Variants in DAP observed in about 807,000 individuals in gnomAD.
DAP encodes death-associated protein 1.
DAP carries 8 observed loss-of-function variants against 13.8 expected under a neutral mutation model. The observed-to-expected ratio is 0.58, with a 90% CI of 0.34 to 1.05. The LOEUF is 1.05. DAP is among the 50% of genes least tolerant of loss of function. The pLI, the probability that DAP is intolerant of heterozygous loss-of-function variation, is 0.03. For synonymous variants in DAP, 47 were observed against 47.5 expected, an observed-to-expected ratio of 0.99 and a Z score of 0.04; for missense variants, 106 against 133.2, an observed-to-expected ratio of 0.80 and a Z score of 1.01.
chr5:10,761,057 A>C lies in DAP; in HGVS notation c.12T>G (p.Pro4=). Residue 4 remains proline (P), a synonymous_variant, in exon 1 of 4, where the codon CCT becomes CCG. Coordinates refer to ENST00000230895, the MANE Select transcript of DAP (RefSeq NM_004394.3). ...CTTTAGTCTCTAGTTTCCCTTCGGG[A>C]GGCGAAGACATGACGCGGCGGGGCT... MSS[P]PEGKLETKAG... The C allele has an allele frequency of 8.2e-7, 1 of 1,222,018 alleles. No individual in the cohort carries two copies. The highest frequency in any genetic ancestry group is 3.6e-5 in the South Asian group (1 of 27,462). The allele number at this position is 1,222,018 out of a possible 1,614,324, so 75.7% of individuals were successfully genotyped here.
At chr5:10,711,200 AG>A (rs1200104684) in intron 2 of DAP, among the ~76,000 whole-genome samples, 2 of 152,226 alleles carry the variant, frequency 1.3e-5, no homozygotes, top group Non-Finnish European at 2.9e-5. Context: ...AGGGGAAGGT[AG>A]GTGTGAGCAG....
chr5:10,726,749 G>A (rs1236135004), intron 2 of DAP, among the ~76,000 whole-genome samples: 1 of 150,924 alleles, frequency 6.6e-6, no homozygotes, highest in African/African-American at 2.5e-5. Context: ...GTGTGTGCAT[G>A]TGTGTGGAAA....
At chr5:10,698,282 CAAAAAAAA>C (rs71613386) in intron 2 of DAP, among the ~76,000 whole-genome samples, 4 of 42,904 alleles carry the variant, frequency 9.3e-5, no homozygotes, top group East Asian at 9.1e-4. Context: ...CCAGACTTAG[CAAAAAAAA>C]AAAAAAAAAA....
chr5:10,758,573 T>C (rs1740256967), intron 1 of DAP, among the ~76,000 whole-genome samples: 1 of 152,176 alleles, frequency 6.6e-6, no homozygotes. Flanking sequence ...TAGAGGAGTT[T>C]ACCTGGGGGA....
intron 2 of DAP, among the ~76,000 whole-genome samples, chr5:10,708,596 G>A (rs1412490883): frequency 6.6e-6 from 1 of 152,046 alleles, no homozygotes; most frequent in South Asian, 2.1e-4. Flanking sequence ...ACCCACCAAC[G>A]GGCTATAGCG....
At chr5:10,686,816 T>G (rs1166791360) in intron 2 of DAP, among the ~76,000 whole-genome samples, 1 of 152,212 alleles carries the variant, frequency 6.6e-6, no homozygotes, top group Non-Finnish European at 1.5e-5. Flanking sequence ...TTGATGAAAG[T>G]GGCCACACTA....
chr5:10,736,542 G>A (rs1739618379), intron 2 of DAP, among the ~76,000 whole-genome samples: 2 of 152,186 alleles, frequency 1.3e-5, no homozygotes, highest in Admixed American at 1.3e-4. Context: ...GCCGTCAGGG[G>A]GTTTGAGGGC....
intron 2 of DAP, among the ~76,000 whole-genome samples, chr5:10,736,022 A>G (rs1269329103): frequency 6.6e-6 from 1 of 152,222 alleles, no homozygotes; most frequent in Non-Finnish European, 1.5e-5. Context: ...ATGCAATAGG[A>G]CAGGTGTCTT....
intron 2 of DAP, among the ~76,000 whole-genome samples, chr5:10,689,647 G>A (rs1189479740): frequency 6.6e-6 from 1 of 152,224 alleles, no homozygotes; most frequent in Non-Finnish European, 1.5e-5. Context: ...GAGGGGTGAG[G>A]TGAGGCCCAC....
intron 1 of DAP, among the ~76,000 whole-genome samples, chr5:10,750,412 G>A (rs977129680): frequency 3.3e-5 from 5 of 152,156 alleles, no homozygotes; most frequent in African/African-American, 2.4e-5. Flanking sequence ...AAGGGCAAAA[G>A]AGAGCAAGGA....
At chr5:10,747,146 C>G (rs1223324978) in intron 2 of DAP, among the ~76,000 whole-genome samples, 3 of 152,236 alleles carry the variant, frequency 2.0e-5, no homozygotes, top group Non-Finnish European at 4.4e-5. Context: ...CCTCTTTCCC[C>G]TTCCACACCC....
chr5:10,692,920 C>T (rs1263826757), intron 2 of DAP, among the ~76,000 whole-genome samples: 1 of 152,202 alleles, frequency 6.6e-6, no homozygotes, highest in Non-Finnish European at 1.5e-5. Context: ...GGTCCTTACC[C>T]TTCTTCCCTT....
At chr5:10,752,713 T>C (rs1458158529) in intron 1 of DAP, among the ~76,000 whole-genome samples, 1 of 152,158 alleles carries the variant, frequency 6.6e-6, no homozygotes, top group African/African-American at 2.4e-5. Context: ...CTTGTGTGTG[T>C]GGCTGTGTGT....
chr5:10,685,803 G>A (rs1245310303), intron 2 of DAP, among the ~76,000 whole-genome samples: 1 of 152,140 alleles, frequency 6.6e-6, no homozygotes, highest in African/African-American at 2.4e-5. Flanking sequence ...TCCATAGAGA[G>A]TCAATCTAGT....
chr5:10,698,692 C>T (rs1295073778), intron 2 of DAP, among the ~76,000 whole-genome samples: 2 of 152,112 alleles, frequency 1.3e-5, no homozygotes, highest in Non-Finnish European at 2.9e-5. Context: ...TTTATTCACA[C>T]ACATACTATA....
Position 10,748,201 on chromosome 5 carries a change from C to T in DAP, c.126G>A (p.Lys42=), listed in dbSNP as rs1189807314. Residue 42 remains lysine, a synonymous_variant, in exon 2 of 4, where the codon AAG becomes AAA. Transcript: ENST00000230895. ...TGGGGCTTTCCCATTCCTGGTCATC[C>T]TTGTCTTTCTCTTCTTTGGTGTCTC... ...HTGDTKEEKD[K]DDQEWESPSP... is the part of the protein sequence containing the mutation. 6.2e-7 allele frequency: 1 copy of T among 1,613,978 alleles called. No individual in the cohort carries two copies. The highest frequency in any genetic ancestry group is 1.3e-5 in the African/African-American group (1 of 75,036).
intron 2 of DAP, among the ~76,000 whole-genome samples, chr5:10,692,720 A>G (rs139605422): frequency 1.1e-4 from 17 of 152,296 alleles, no homozygotes; most frequent in African/African-American, 4.1e-4. Flanking sequence ...CCCACAGGAC[A>G]CCGATATTGC....
At chr5:10,747,577 C>T (rs267945) in intron 2 of DAP, among the ~76,000 whole-genome samples, 75,198 of 152,162 alleles carry the variant, frequency 0.49, 20,151 homozygotes, top group Non-Finnish European at 0.6. Flanking sequence ...TCAACTAGTG[C>T]GGCAATTCTC....
intron 2 of DAP, among the ~76,000 whole-genome samples, chr5:10,728,010 A>AT (rs1317409396): frequency 1.3e-5 from 2 of 152,014 alleles, no homozygotes; most frequent in South Asian, 2.1e-4. Context: ...GCAATCATCC[A>AT]TTTTTTTCCT....
Sources: gnomAD v4.1 joint callset for allele counts (sites outside exome capture counted in the v4.1 genomes callset) on GRCh38, gnomAD v4.1.1 for gene constraint, MANE v1.5 for transcripts, NCBI Gene and HGNC (gene_info 2026-07-23, HGNC 2026-07-21) for gene names.